The following SLC39A9 variants were observed in gnomAD, a reference collection of about 807,000 sequenced individuals.
SLC39A9 encodes zinc transporter ZIP9.
SLC39A9 carries 14 observed loss-of-function variants against 28.4 expected under a neutral mutation model. The observed-to-expected ratio is 0.49, with a 90% confidence interval of 0.33 to 0.77. SLC39A9 has a LOEUF of 0.77. Ranked by LOEUF, SLC39A9 falls within the 30% of genes least tolerant of loss-of-function variation. The pLI, the probability that SLC39A9 is intolerant of heterozygous loss-of-function variation, is 0.02. For missense variants in SLC39A9, 283 were observed against 381.1 expected, an observed-to-expected ratio of 0.74 and a Z score of 2.14; for synonymous variants, 119 against 149.6, an observed-to-expected ratio of 0.80 and a Z score of 1.49.
chr14:69,428,036 T>C (rs1884289583), intron 2 of SLC39A9, among the ~76,000 whole-genome samples: 1 of 152,214 alleles, frequency 6.6e-6, no homozygotes. Context: ...ATCCCAGCAC[T>C]TTGGGAGTCA....
chr14:69,410,590 A>T (rs1566907972), intron 1 of SLC39A9, among the ~76,000 whole-genome samples: 1 of 152,234 alleles, frequency 6.6e-6, no homozygotes, highest in Non-Finnish European at 1.5e-5. Flanking sequence ...GGACTTGAAG[A>T]ACCAAATTAG....
In SLC39A9 at chr14:69,461,829, C is replaced by T; in HGVS notation, c.*3236C>T. ...AAGGATGTTCCTGCCTTGTGGGCCC[C>T]TGAGCCCCTTGGGAGACTGAGAATC... On this transcript the variant is annotated 3_prime_UTR_variant, in exon 7 of 7. Transcript: ENST00000336643. The T allele has an allele frequency of 1.5e-6, 2 of 1,343,266 alleles. No homozygotes were observed. The highest frequency in any genetic ancestry group is 2.0e-6 in the Non-Finnish European group (2 of 989,294). The allele number at this position is 1,343,266 out of a possible 1,614,324, so 83.2% of individuals were successfully genotyped here. A position where few individuals can be genotyped will look rare whatever the true frequency, so the allele number is the denominator to read the frequency against.
intron 6 of SLC39A9, among the ~76,000 whole-genome samples, chr14:69,456,335 A>G (rs1191658809): frequency 6.6e-6 from 1 of 152,224 alleles, no homozygotes; most frequent in Non-Finnish European, 1.5e-5. Flanking sequence ...AATCTTTTAA[A>G]GGGAACAACA....
intron 1 of SLC39A9, among the ~76,000 whole-genome samples, chr14:69,417,277 G>T (rs1373758790): frequency 6.6e-6 from 1 of 152,114 alleles, no homozygotes; most frequent in Non-Finnish European, 1.5e-5. Context: ...AGATCAGATG[G>T]TTTGTAGATG....
rs569262258 is a variant in SLC39A9, at chr14:69,436,171, G to A, written c.206-5898G>A. Among the ~76,000 whole-genome samples the A allele has an allele frequency of 1.1e-4, 16 of 152,202 alleles. No homozygotes were observed. The South Asian group carries it at 3.1e-3, about 30-fold the overall frequency. ...AATCCCAGCACTTTGGGAAGCTCAG[G>A]TGGGGGAGGATCACTTGAGTATAGG... On this transcript the variant is annotated intron_variant, in intron 2 of 6. Transcript: ENST00000336643.
At chr14:69,437,963 A>G (rs1884859357) in intron 2 of SLC39A9, among the ~76,000 whole-genome samples, 1 of 151,426 alleles carries the variant, frequency 6.6e-6, no homozygotes, top group African/African-American at 2.4e-5. Flanking sequence ...GAGTTTAGAC[A>G]TATCATTGTA....
intron 4 of SLC39A9, 152 bp downstream of exon 4, chr14:69,453,461 T>A: frequency 1.6e-6 from 1 of 623,970 alleles, no homozygotes; most frequent in Non-Finnish European, 2.8e-6. Context: ...AAGCACAAGC[T>A]TGGTGTGCTC....
At position 69,461,477 on chromosome 14, in the gene SLC39A9, A is replaced by G. The variant is rs1886108713; in HGVS notation, c.*2884A>G. 6 of 1,411,540 alleles carry G rather than the reference A, an allele frequency of 4.3e-6. No homozygotes were observed. Among genetic ancestry groups the G allele is most frequent in the Non-Finnish European group, 5.5e-6 (6 of 1,084,970 alleles). The allele number at this position is 1,411,540 out of a possible 1,614,324, so 87.4% of individuals were successfully genotyped here. ...CAGTTGGAAACAGTACTACCTACCT[A>G]GAGGTTATGTGTTTTCTCTTTCTCC... On this transcript the variant is annotated 3_prime_UTR_variant, in exon 7 of 7. Coordinates refer to ENST00000336643, the MANE Select transcript of SLC39A9 (RefSeq NM_018375.5).
intron 2 of SLC39A9, among the ~76,000 whole-genome samples, chr14:69,425,187 A>T (rs1884119979): frequency 6.6e-6 from 1 of 152,206 alleles, no homozygotes; most frequent in Admixed American, 6.5e-5. Context: ...CACATCCTAC[A>T]GAGGGAGGGA....
intron 1 of SLC39A9, among the ~76,000 whole-genome samples, chr14:69,409,805 G>A (rs1883167637): frequency 6.6e-6 from 1 of 152,176 alleles, no homozygotes; most frequent in African/African-American, 2.4e-5. Context: ...GGGATAGAAT[G>A]ATGGGGATAA....
intron 1 of SLC39A9, among the ~76,000 whole-genome samples, chr14:69,423,177 T>C (rs1229914231): frequency 6.6e-6 from 1 of 152,184 alleles, no homozygotes; most frequent in Non-Finnish European, 1.5e-5. Context: ...CTTATAAATA[T>C]TTTTTATAAA....
At position 69,459,221 on chromosome 14, in the gene SLC39A9, T is replaced by G. The variant is rs375158766; in HGVS notation, c.*628T>G. The stretch of plus-strand genomic sequence containing the variant: ...ATTGAAAAGGGATGTCTAGAGGGAT[T>G]TAAACAGCTCCTTTGGCACGTGCCT... On this transcript the variant is annotated 3_prime_UTR_variant, in exon 7 of 7. Coordinates refer to ENST00000336643, the MANE Select transcript of SLC39A9 (RefSeq NM_018375.5). The G allele has an allele frequency of 2.0e-6, 2 of 985,380 alleles. No homozygotes were observed. The highest frequency in any genetic ancestry group is 3.5e-5 in the African/African-American group (2 of 57,250). The allele number at this position is 985,380 out of a possible 1,614,324, so 61.0% of individuals were successfully genotyped here.
At chr14:69,445,993 G>A (rs908456607) in intron 3 of SLC39A9, among the ~76,000 whole-genome samples, 4 of 151,774 alleles carry the variant, frequency 2.6e-5, no homozygotes, top group African/African-American at 9.7e-5. Context: ...GGTAGAGTTG[G>A]GAGAAAACCA....
chr14:69,453,284 G>C lies in SLC39A9; in HGVS notation c.447G>C (p.Thr149=). The stretch of plus-strand genomic sequence containing the variant: ...CTAGCAATTCCAAAATCACCACCAC[G>C]CTGGGTCTGGTTGTCCATGCTGCAG... ...ARSSNSKITT[T]LGLVVHAAAD... The change falls in exon 4 of 7, where the codon ACG becomes ACC. Residue 149 remains threonine (T), a synonymous_variant. Coordinates refer to ENST00000336643, the MANE Select transcript of SLC39A9 (RefSeq NM_018375.5). 1 of 1,613,870 alleles carries C rather than the reference G, an allele frequency of 6.2e-7. No individual in the cohort carries two copies. Among genetic ancestry groups the C allele is most frequent in the Non-Finnish European group, 8.5e-7 (1 of 1,179,810 alleles).
chr14:69,412,247 G>A (rs1471727065), intron 1 of SLC39A9, among the ~76,000 whole-genome samples: 1 of 151,620 alleles, frequency 6.6e-6, no homozygotes, highest in Non-Finnish European at 1.5e-5. Flanking sequence ...AAATTAGCCG[G>A]GCATGGTGGC....
intron 2 of SLC39A9, 103 bp from the exon 3 acceptor site, chr14:69,441,966 C>T: frequency 1.4e-6 from 2 of 1,471,456 alleles, no homozygotes; most frequent in South Asian, 1.4e-5. Flanking sequence ...GATGTCTTTA[C>T]AGTAAAGTAA....
intron 1 of SLC39A9, among the ~76,000 whole-genome samples, chr14:69,414,021 G>A (rs1040278593): frequency 6.7e-6 from 1 of 150,344 alleles, no homozygotes; most frequent in Non-Finnish European, 1.5e-5. Flanking sequence ...CTAAAAACTT[G>A]CACCAAACTC....
At chr14:69,443,365 C>T (rs1885138177) in intron 3 of SLC39A9, among the ~76,000 whole-genome samples, 2 of 152,212 alleles carry the variant, frequency 1.3e-5, no homozygotes, top group African/African-American at 4.8e-5. Flanking sequence ...TGATAGTTGC[C>T]CAGCTCCATC....
rs1486350042 is a variant in SLC39A9 at position 69,406,875 on chromosome 14, G to C, written c.96+7410G>C. On this transcript the variant is annotated intron_variant, in intron 1 of 6. Coordinates refer to ENST00000336643, the MANE Select transcript of SLC39A9 (RefSeq NM_018375.5). ...TTTTTTTTTTTTTTTTTTTGAGATGGAGTCTTGCTCTGTCGCCCAGGCTGG... is the reference window on the plus strand; with the variant it reads ...TTTTTTTTTTTTTTTTTTTGAGATGCAGTCTTGCTCTGTCGCCCAGGCTGG... 1.6e-4 allele frequency among the ~76,000 whole-genome samples: 17 copies of C among 108,736 alleles called. 2 individuals are homozygous for C. In the Admixed American group the frequency reaches 1.8e-3, roughly 12 times the overall value. 71.3% of individuals were successfully genotyped at this position (108,736 alleles called of 152,430 possible).
Sources: allele counts gnomAD v4.1 joint callset (sites outside exome capture counted in the v4.1 genomes callset), GRCh38; gene constraint gnomAD v4.1.1; transcripts MANE v1.5; gene names NCBI Gene and HGNC (gene_info 2026-07-23, HGNC 2026-07-21).